TBCD: variants seen among roughly 807,000 people sequenced by gnomAD.
TBCD encodes tubulin folding cofactor D, also known as tubulin-specific chaperone D.
TBCD carries 105 observed loss-of-function variants against 169.3 expected under a neutral mutation model. The observed-to-expected ratio is 0.62, with a 90% CI of 0.53 to 0.73. The LOEUF (loss-of-function observed/expected upper bound fraction) is 0.73, where lower values mean the gene tolerates loss of function less well. TBCD is among the 30% of genes least tolerant of loss of function. TBCD has a pLI of 0.00. For synonymous variants in TBCD, 700 were observed against 643.9 expected (o/e 1.09, Z -1.32); for missense variants, 1,444 against 1,600.1 (o/e 0.90, Z 1.66).
At chr17:82,862,637 C>T (rs562018520) in intron 13 of TBCD, among the ~76,000 whole-genome samples, 36 of 152,246 alleles carry the variant, frequency 2.4e-4, no homozygotes, top group African/African-American at 4.8e-4. Flanking sequence ...GGTTATTTTT[C>T]GATCTGAGGG....
intron 38 of TBCD, 131 bp downstream of exon 38, chr17:82,941,614 C>T: frequency 2.5e-6 from 2 of 803,614 alleles, no homozygotes; most frequent in Middle Eastern, 3.3e-4. Context: ...ATGTCAGGAC[C>T]CCTGGGATTA....
chr17:82,759,879 CGTTT>C (rs1200162980), intron 2 of TBCD, among the ~76,000 whole-genome samples: 1 of 137,732 alleles, frequency 7.3e-6, no homozygotes, highest in Non-Finnish European at 1.5e-5. Context: ...TGGGTCATTT[CGTTT>C]GTTTGTTTTT....
intron 14 of TBCD, among the ~76,000 whole-genome samples, chr17:82,875,621 C>T (rs372456257): frequency 1.1e-4 from 17 of 152,142 alleles, no homozygotes; most frequent in Admixed American, 8.5e-4. Context: ...GAGGATCCGC[C>T]GAGGCCTGCA....
intron 13 of TBCD, chr17:82,840,605 C>T (rs993812372): frequency 9.9e-5 from 15 of 152,254 alleles, no homozygotes; most frequent in Admixed American, 3.3e-4. Flanking sequence ...AGGGACCTGC[C>T]GGAGCTTGCC....
chr17:82,887,057 A>C (rs2058763020), intron 15 of TBCD, among the ~76,000 whole-genome samples: 1 of 151,854 alleles, frequency 6.6e-6, no homozygotes, highest in South Asian at 2.1e-4. Flanking sequence ...GCAAAACCGC[A>C]ATGGAACATC....
chr17:82,883,113 C>T (rs9747334), intron 14 of TBCD, among the ~76,000 whole-genome samples: 18,591 of 152,300 alleles, frequency 0.12, 1,292 homozygotes, highest in South Asian at 0.29. Flanking sequence ...CATTGTCCCC[C>T]GTGCATGTCC....
rs568743334 is a variant in TBCD at position 82,892,834 on chromosome 17, G to C, written c.1564-713G>C. 5.3e-5 allele frequency among the ~76,000 whole-genome samples: 8 copies of C among 152,328 alleles called. No homozygotes were observed. The South Asian group carries it at 1.7e-3, about 32-fold the overall frequency. ...TGTTGTTTCCAGAATTTCACATCCT[G>C]GAACCTGAGAGTGGTATCAGTAACA... On this transcript the variant is annotated intron_variant, in intron 16 of 38. Coordinates refer to ENST00000355528, the MANE Select transcript of TBCD (RefSeq NM_005993.5).
intron 13 of TBCD, chr17:82,838,859 A>T (rs1339367868): frequency 4.1e-6 from 4 of 985,292 alleles, no homozygotes; most frequent in African/African-American, 1.7e-5. Context: ...TCACCACTTT[A>T]CAGTCGCCGC....
intron 6 of TBCD, among the ~76,000 whole-genome samples, chr17:82,777,024 G>A (rs1445521427): frequency 1.3e-5 from 2 of 152,138 alleles, no homozygotes; most frequent in African/African-American, 4.8e-5. Flanking sequence ...GGTGAAGGGC[G>A]ATGGGTATTG....
At chr17:82,763,861 T>C (rs1415935702) in intron 2 of TBCD, 104 bp from the exon 3 acceptor site, 3 of 914,390 alleles carry the variant, frequency 3.3e-6, no homozygotes, top group Non-Finnish European at 5.2e-6. Context: ...CACCTTGGTC[T>C]CCCAAAGTGC....
At chr17:82,892,812 T>C (rs1189579625) in intron 16 of TBCD, among the ~76,000 whole-genome samples, 1 of 152,200 alleles carries the variant, frequency 6.6e-6, no homozygotes, top group Non-Finnish European at 1.5e-5. Context: ...TTATTTATGT[T>C]GTTTCCAGAA....
At position 82,789,962 on chromosome 17, in the gene TBCD, G is replaced by T. The variant is rs1427403044; in HGVS notation, c.772-7795G>T. 6.6e-6 allele frequency among the ~76,000 whole-genome samples: 1 copy of T among 152,210 alleles called. No homozygotes were observed. The highest frequency in any genetic ancestry group is 1.5e-5 in the Non-Finnish European group (1 of 68,030). On this transcript the variant is annotated intron_variant, in intron 7 of 38. Coordinates refer to ENST00000355528, the MANE Select transcript of TBCD (RefSeq NM_005993.5). The surrounding 1 kb of genome is among the most constrained non-coding windows in gnomAD (Gnocchi z 4.8). ...GCCGGGCTCATCCCCGAGACGCCGT[G>T]TTCCCTCCCGCTGTCCGCTCACACC...
chr17:82,939,375 G>C lies in TBCD; in HGVS notation c.3378G>C (p.Lys1126Asn), dbSNP rs1599734789. 1 of 1,611,900 alleles carries C rather than the reference G, an allele frequency of 6.2e-7. No individual in the cohort carries two copies. Among genetic ancestry groups the C allele is most frequent in the Non-Finnish European group, 8.5e-7 (1 of 1,179,530 alleles). Reference sequence around the variant, plus strand: ...CTGCATCCCTGTCCCAGATCCGGAAGACCACGGCCAGCCAGGTGTACGAGA... The same window carrying C: ...CTGCATCCCTGTCCCAGATCCGGAACACCACGGCCAGCCAGGTGTACGAGA... ...LLCHRFPLIR[K>N]TTASQVYETL... The change falls in exon 37 of 39, where the codon AAG becomes AAC. Residue 1126 changes from lysine (K) to asparagine (N), a missense_variant. Lys to Asn is a moderately conservative substitution (Grantham distance 94, BLOSUM62 0). Transcript: ENST00000355528.
chr17:82,872,052 C>T (rs1052060099), intron 14 of TBCD, among the ~76,000 whole-genome samples: 8 of 152,270 alleles, frequency 5.3e-5, no homozygotes, highest in Admixed American at 1.3e-4. Context: ...CAGTAGCGTC[C>T]GGAGAGGGAC....
chr17:82,793,949 G>A (rs975305901), intron 7 of TBCD, among the ~76,000 whole-genome samples: 1 of 152,192 alleles, frequency 6.6e-6, no homozygotes, highest in African/African-American at 2.4e-5. Context: ...CTGCAGAGTC[G>A]GCATGGTTAT....
At position 82,903,340 on chromosome 17, in the gene TBCD, T is replaced by A. The variant is rs1740627728; in HGVS notation, c.1731-65T>A. The A allele has an allele frequency of 1.4e-6, 2 of 1,468,882 alleles. No homozygotes were observed. The highest frequency in any genetic ancestry group is 3.9e-5 in the Admixed American group (2 of 50,646). The allele number at this position is 1,468,882 out of a possible 1,614,324, so 91.0% of individuals were successfully genotyped here. ...TGTGTTGTCTCCCTCACTTTCTTTTTATGAATTGAATAAAGCTAGAATCAT... is the reference window on the plus strand; with the variant it reads ...TGTGTTGTCTCCCTCACTTTCTTTTAATGAATTGAATAAAGCTAGAATCAT... On this transcript the variant is annotated intron_variant, in intron 18 of 38. Coordinates refer to ENST00000355528, the MANE Select transcript of TBCD (RefSeq NM_005993.5). This position sits in a 1 kb window ranked among gnomAD's most constrained non-coding sequence, Gnocchi z 4.8.
At position 82,835,439 on chromosome 17, in the gene TBCD, TGA is replaced by T. The variant is rs1330563812; in HGVS notation, c.1318+20508_1318+20509del. ...CATATTTCTTTCTTTCTTTCTTTTT[TGA>T]GACGGAGTTTTGGTCTTGTTGCCCA... is the stretch of plus-strand genomic sequence containing the variant. On this transcript the variant is annotated intron_variant, in intron 13 of 38. Transcript: ENST00000355528. This position sits in a 1 kb window ranked among gnomAD's most constrained non-coding sequence, Gnocchi z 4.5. Among the ~76,000 whole-genome samples, 1 of 151,910 alleles carries T rather than the reference TGA, an allele frequency of 6.6e-6. No homozygotes were observed. The highest frequency in any genetic ancestry group is 6.6e-5 in the Admixed American group (1 of 15,246).
In TBCD at chr17:82,944,201, AGTTCTTCTTTTAAT is replaced by A. The variant is rs2063516677; in HGVS notation, c.*1741_*1754del. ...CATCAGTGACACTATGTGGCAAAGC[AGTTCTTCTTTTAAT>A]GTCGGTCTAACTTAGCAACCCGAGG... On this transcript the variant is annotated 3_prime_UTR_variant, in exon 39 of 39. Coordinates refer to ENST00000355528, the MANE Select transcript of TBCD (RefSeq NM_005993.5). 6.6e-6 allele frequency: 1 copy of A among 152,194 alleles called. No individual in the cohort carries two copies. The allele number at this position is 152,194 out of a possible 1,614,324, so 9.4% of individuals were successfully genotyped here. A position where few individuals can be genotyped will look rare whatever the true frequency, so the allele number is the denominator to read the frequency against.
At chr17:82,787,775 C>A (rs1406561791) in intron 7 of TBCD, among the ~76,000 whole-genome samples, 4 of 152,212 alleles carry the variant, frequency 2.6e-5, no homozygotes, top group Non-Finnish European at 5.9e-5. Context: ...AGTTCCCTTG[C>A]AGTGAGGGTT....
Sources: allele counts gnomAD v4.1 joint callset (sites outside exome capture counted in the v4.1 genomes callset), GRCh38; gene constraint gnomAD v4.1.1; non-coding constraint Gnocchi (gnomAD v3.1); transcripts MANE v1.5; gene names NCBI Gene and HGNC (gene_info 2026-07-23, HGNC 2026-07-21).